Variants in RANBP10 observed in about 807,000 individuals in gnomAD.
The protein encoded by RANBP10 is ran-binding protein 10.
RANBP10 carries 24 observed loss-of-function variants against 72.8 expected under a neutral mutation model. The ratio of observed to expected loss-of-function variants is 0.33; its 90% CI spans 0.24 to 0.46. The LOEUF (loss-of-function observed/expected upper bound fraction) is 0.46. Among genes scored for constraint, RANBP10 ranks in the 20% least tolerant of loss-of-function variants. The pLI is 1.00. For synonymous variants in RANBP10, 310 were observed against 322.3 expected (o/e 0.96, Z 0.41); for missense variants, 679 against 817.5 (o/e 0.83, Z 2.07).
chr16:67,804,646 G>A (rs916186598), intron 2 of RANBP10, among the ~76,000 whole-genome samples: 4 of 151,896 alleles, frequency 2.6e-5, no homozygotes, highest in African/African-American at 7.3e-5. Flanking sequence ...CAAGTGATCC[G>A]CCCGCCTCGG....
At position 67,730,157 on chromosome 16, in the gene RANBP10, A is replaced by G; in HGVS notation, c.890-111T>C. On this transcript the variant is annotated intron_variant, in intron 7 of 13. Transcript: ENST00000317506. The surrounding 1 kb of genome is among the most constrained non-coding windows in gnomAD (Gnocchi z 4.3). The stretch of plus-strand genomic sequence containing the variant: ...AGGGTCCGGCTCAGAGTGCCTCGCC[A>G]GCTTGAAATGCTCACAGGAGAGGAG... The G allele has an allele frequency of 1.1e-6, 1 of 896,406 alleles. No individual in the cohort carries two copies. The highest frequency in any genetic ancestry group is 2.2e-5 in the Admixed American group (1 of 46,184). The allele number at this position is 896,406 out of a possible 1,614,324, so 55.5% of individuals were successfully genotyped here.
chr16:67,804,575 A>G (rs2055298298), intron 2 of RANBP10, among the ~76,000 whole-genome samples: 3 of 151,828 alleles, frequency 2.0e-5, no homozygotes. Context: ...CTAATTTTTG[A>G]ATTTTTTTTT....
chr16:67,728,048 GTTC>G (rs1402377656), intron 11 of RANBP10, 152 bp from the exon 12 acceptor site: 6 of 823,582 alleles, frequency 7.3e-6, no homozygotes, highest in Non-Finnish European at 3.8e-6. Context: ...CAGTCAAGGC[GTTC>G]TTCTCTTCAT....
At chr16:67,805,352 C>G in intron 2 of RANBP10, 76 bp downstream of exon 2, 1 of 1,334,068 alleles carries the variant, frequency 7.5e-7, no homozygotes, top group Non-Finnish European at 1.1e-6. Flanking sequence ...CAACAAGTGC[C>G]AGCCAAAGGA....
chr16:67,772,529 A>C lies in RANBP10; in HGVS notation c.348-443T>G, dbSNP rs140842213. On this transcript the variant is annotated intron_variant, in intron 2 of 13. Transcript: ENST00000317506. ...CAAAGACCAGGACATGGTAAAGCCA[A>C]GTTGGATCTACATAGGATCATCAAT... is the stretch of plus-strand genomic sequence containing the variant. 5.9e-3 allele frequency among the ~76,000 whole-genome samples: 900 copies of C among 152,300 alleles called. 6 individuals are homozygous for C. Among genetic ancestry groups the C allele is most frequent in the African/African-American group, 0.02 (841 of 41,568 alleles).
intron 3 of RANBP10, among the ~76,000 whole-genome samples, chr16:67,759,145 T>C: frequency 6.6e-6 from 1 of 152,248 alleles, no homozygotes. Context: ...CCACCCTCTG[T>C]TCTGGACGGC....
chr16:67,787,007 G>A (rs1242487518), intron 2 of RANBP10, among the ~76,000 whole-genome samples: 1 of 152,124 alleles, frequency 6.6e-6, no homozygotes, highest in African/African-American at 2.4e-5. Context: ...GGGAGGCCAA[G>A]GCAGGCAGAT....
intron 3 of RANBP10, chr16:67,762,457 C>T (rs925681430): frequency 4.6e-5 from 7 of 152,168 alleles, no homozygotes; most frequent in Non-Finnish European, 7.3e-5. Context: ...ACACAGCCGC[C>T]AGGATGCAAA....
chr16:67,803,041 A>G (rs929746810), intron 2 of RANBP10, among the ~76,000 whole-genome samples: 1 of 152,210 alleles, frequency 6.6e-6, no homozygotes, highest in African/African-American at 2.4e-5. Flanking sequence ...CTGTGGCAGT[A>G]TGAGACTCCA....
At chr16:67,804,092 T>C (rs1027656031) in intron 2 of RANBP10, among the ~76,000 whole-genome samples, 5 of 151,824 alleles carry the variant, frequency 3.3e-5, no homozygotes, top group Non-Finnish European at 7.4e-5. Flanking sequence ...TGGCCAAGCA[T>C]TTTGCATGCA....
chr16:67,760,504 G>T (rs1243120773), intron 3 of RANBP10, among the ~76,000 whole-genome samples: 1 of 152,204 alleles, frequency 6.6e-6, no homozygotes, highest in Admixed American at 6.5e-5. Flanking sequence ...AGCTCTAGGG[G>T]AAGGAAAGAT....
intron 5 of RANBP10, among the ~76,000 whole-genome samples, chr16:67,737,487 C>T (rs956388994): frequency 8.6e-5 from 13 of 151,842 alleles, no homozygotes; most frequent in Admixed American, 2.0e-4. Context: ...CAGGTGTGAG[C>T]CACCGCACCC....
intron 2 of RANBP10, among the ~76,000 whole-genome samples, chr16:67,774,516 G>A (rs1472185005): frequency 1.3e-5 from 2 of 152,180 alleles, no homozygotes; most frequent in Non-Finnish European, 2.9e-5. Flanking sequence ...CAGGTAAGAT[G>A]GTGTTTATTA....
At position 67,734,951 on chromosome 16, in the gene RANBP10, T is replaced by C. The variant is rs757807321; in HGVS notation, c.683A>G (p.Asp228Gly). 1.2e-6 allele frequency: 2 copies of C among 1,614,042 alleles called. No individual in the cohort carries two copies. Among genetic ancestry groups the C allele is most frequent in the Non-Finnish European group, 1.7e-6 (2 of 1,179,974 alleles). Residue 228 changes from aspartate (D) to glycine (G), a missense_variant, in exon 6 of 14, where the codon GAC becomes GGC. By Grantham distance (94) the Asp-to-Gly change is moderately conservative. Transcript: ENST00000317506. ...CTTGGCACGCCACTCCCGCATGTAG[T>C]CCTCAATGTCAAACAGGAAGGGCTG... Reference protein sequence around the residue: ...GQQPFLFDIEDYMREWRAKVQ... With the variant: ...GQQPFLFDIEGYMREWRAKVQ...
intron 2 of RANBP10, 108 bp downstream of exon 2, chr16:67,805,320 G>T (rs2055346703): frequency 1.1e-6 from 1 of 930,414 alleles, no homozygotes; most frequent in Non-Finnish European, 1.6e-6. Context: ...CCAGACCCAT[G>T]CGGCTCCCCA....
intron 6 of RANBP10, among the ~76,000 whole-genome samples, chr16:67,734,253 T>G (rs1284902934): frequency 6.6e-6 from 1 of 151,986 alleles, no homozygotes; most frequent in Non-Finnish European, 1.5e-5. Flanking sequence ...CCTGGCAGAG[T>G]GGATACTGGT....
Position 67,805,445 on chromosome 16 carries a change from G to T in RANBP10, c.330C>A (p.Val110=). The change falls in exon 2 of 14, where the codon GTC becomes GTA. Residue 110 remains valine (V), a synonymous_variant. Coordinates refer to ENST00000317506, the MANE Select transcript of RANBP10 (RefSeq NM_020850.3). ...GGGCTTACCCATCTCTTCCTTTGCTGACAATCTTCACTTCAAAGTAATAAA... is the reference window on the plus strand; with the variant it reads ...GGGCTTACCCATCTCTTCCTTTGCTTACAATCTTCACTTCAAAGTAATAAA... ...CGIYYFEVKI[V]SKGRDGYMGI... is the part of the protein sequence containing the mutation. 1 of 1,614,010 alleles carries T rather than the reference G, an allele frequency of 6.2e-7. No individual in the cohort carries two copies. The highest frequency in any genetic ancestry group is 1.1e-5 in the South Asian group (1 of 91,052).
At position 67,730,787 on chromosome 16, in the gene RANBP10, G is replaced by C. The variant is rs1276709460; in HGVS notation, c.889+685C>G. On this transcript the variant is annotated intron_variant, in intron 7 of 13. Transcript: ENST00000317506. The surrounding 1 kb of genome is among the most constrained non-coding windows in gnomAD (Gnocchi z 4.3). ...ACAGAAGAGACAGCAGGCTTGGAGAGGGGTAGGCAGGCACTCACAGACACG... is the reference window on the plus strand; with the variant it reads ...ACAGAAGAGACAGCAGGCTTGGAGACGGGTAGGCAGGCACTCACAGACACG... 6.6e-6 allele frequency among the ~76,000 whole-genome samples: 1 copy of C among 152,168 alleles called. No individual in the cohort carries two copies. The highest frequency in any genetic ancestry group is 2.1e-4 in the South Asian group (1 of 4,826).
At chr16:67,769,440 T>C (rs1468047283) in intron 3 of RANBP10, among the ~76,000 whole-genome samples, 6 of 656 alleles carry the variant, frequency 9.1e-3, no homozygotes, top group Non-Finnish European at 0.015. Flanking sequence ...CAAGACCCTG[T>C]CTCAAAAAAA....
Sources: allele counts gnomAD v4.1 joint callset (sites outside exome capture counted in the v4.1 genomes callset), GRCh38; gene constraint gnomAD v4.1.1; non-coding constraint Gnocchi (gnomAD v3.1); transcripts MANE v1.5; gene names NCBI Gene and HGNC (gene_info 2026-07-23, HGNC 2026-07-21).